COX10: variants seen among roughly 807,000 people sequenced by gnomAD.
COX10 encodes cytochrome c oxidase assembly factor heme A:farnesyltransferase COX10.
A neutral mutation model predicts 37.3 loss-of-function variants in COX10; 27 were observed. The ratio of observed to expected loss-of-function variants is 0.72; its 90% CI spans 0.53 to 1.00. The LOEUF (loss-of-function observed/expected upper bound fraction) is 1.00, where lower values mean the gene tolerates loss of function less well. Among genes scored for constraint, COX10 ranks in the 50% least tolerant of loss-of-function variants. The pLI is 0.00. For missense variants in COX10, 475 were observed against 563.2 expected (o/e 0.84, Z 1.59); for synonymous variants, 222 against 229.1 (o/e 0.97, Z 0.28).
chr17:14,192,856 C>T (rs1348380787), intron 6 of COX10, among the ~76,000 whole-genome samples: 10 of 151,866 alleles, frequency 6.6e-5, no homozygotes, highest in African/African-American at 2.4e-5. Flanking sequence ...TGTTTTTGAC[C>T]GACACTTAGG....
chr17:14,148,930 C>G (rs1221411752), intron 4 of COX10, among the ~76,000 whole-genome samples: 1 of 147,456 alleles, frequency 6.8e-6, no homozygotes, highest in East Asian at 2.0e-4. Context: ...TAATATATTA[C>G]TAGGTAATTA....
chr17:14,082,279 A>C (rs1474763225), intron 3 of COX10, among the ~76,000 whole-genome samples: 1 of 152,164 alleles, frequency 6.6e-6, no homozygotes, highest in Non-Finnish European at 1.5e-5. Context: ...GAACCTGTTC[A>C]TAAAGGGAAG....
intron 5 of COX10, among the ~76,000 whole-genome samples, chr17:14,175,090 G>T (rs867257174): frequency 0.043 from 3,399 of 79,050 alleles, 915 homozygotes; most frequent in African/African-American, 0.12. Flanking sequence ...TAGCGGGGGG[G>T]GGGGGGGTGG....
chr17:14,172,982 C>T (rs1052255024), intron 5 of COX10, among the ~76,000 whole-genome samples: 2 of 152,132 alleles, frequency 1.3e-5, no homozygotes, highest in Non-Finnish European at 2.9e-5. Flanking sequence ...CATGAGCCAC[C>T]ATGTATGTCT....
At chr17:14,100,268 C>G (rs1381311105) in intron 3 of COX10, among the ~76,000 whole-genome samples, 2 of 152,216 alleles carry the variant, frequency 1.3e-5, no homozygotes, top group African/African-American at 4.8e-5. Flanking sequence ...CATTTGCCAC[C>G]TTTCCTCCTG....
intron 5 of COX10, among the ~76,000 whole-genome samples, chr17:14,160,359 G>A (rs1210817627): frequency 1.3e-5 from 2 of 152,100 alleles, no homozygotes; most frequent in East Asian, 1.9e-4. Context: ...TGTATGCCAA[G>A]TAAAGTACTG....
At position 14,102,177 on chromosome 17, in the gene COX10, C is replaced by T. The variant is rs777059081; in HGVS notation, c.559C>T (p.Pro187Ser). 1 of 1,613,734 alleles carries T rather than the reference C, an allele frequency of 6.2e-7. No individual in the cohort carries two copies. Among genetic ancestry groups the T allele is most frequent in the Non-Finnish European group, 8.5e-7 (1 of 1,179,756 alleles). Residue 187 changes from proline to serine, a missense_variant, in exon 4 of 7, where the codon CCC (proline) becomes TCC (serine). This residue lies in a region of COX10 where 242 missense variants were observed against 242.5 expected (regional missense o/e 1.00). Transcript: ENST00000261643. The stretch of plus-strand genomic sequence containing the variant: ...ATTGGCTCCGGGCCCTTTTGACTGG[C>T]CCTGTTTCCTGCTTACTTCTGTTGG... ...FALAPGPFDW[P>S]CFLLTSVGTG...
rs180778799 is a variant in COX10 at position 14,182,733 on chromosome 17, G to A, written c.696-9256G>A. On this transcript the variant is annotated intron_variant, in intron 5 of 6. Coordinates refer to ENST00000261643, the MANE Select transcript of COX10 (RefSeq NM_001303.4). ...TTGTAATTTCAAAGTCATTTATTGT[G>A]GAAGAATGACCAAGAAGTATGAAAT... Among the ~76,000 whole-genome samples, 12 of 151,848 alleles carry A rather than the reference G, an allele frequency of 7.9e-5. 1 individual carries two copies. Among genetic ancestry groups the A allele is most frequent in the African/African-American group, 2.9e-4 (12 of 41,440 alleles).
At chr17:14,113,292 T>C (rs1916044306) in intron 4 of COX10, among the ~76,000 whole-genome samples, 1 of 152,058 alleles carries the variant, frequency 6.6e-6, no homozygotes. Context: ...CCTTCTGTCC[T>C]CTGTTCTTGT....
chr17:14,172,906 T>C (rs1905527011), intron 5 of COX10, among the ~76,000 whole-genome samples: 1 of 152,178 alleles, frequency 6.6e-6, no homozygotes, highest in Non-Finnish European at 1.5e-5. Context: ...TTGCCCAGGC[T>C]GGTCTCAAAC....
At chr17:14,191,756 C>T (rs1906207340) in intron 5 of COX10, among the ~76,000 whole-genome samples, 1 of 152,164 alleles carries the variant, frequency 6.6e-6, no homozygotes, top group African/African-American at 2.4e-5. Context: ...CTCTCTTAAC[C>T]ACTTTACTCT....
intron 5 of COX10, among the ~76,000 whole-genome samples, chr17:14,167,283 AG>A (rs777015736): frequency 5.9e-5 from 9 of 152,244 alleles, no homozygotes; most frequent in Non-Finnish European, 8.8e-5. Context: ...GGATGAGTAA[AG>A]AAAGTGGTTT....
intron 5 of COX10, among the ~76,000 whole-genome samples, chr17:14,186,164 C>T (rs1906019180): frequency 6.6e-6 from 1 of 152,172 alleles, no homozygotes; most frequent in South Asian, 2.1e-4. Flanking sequence ...TTGCTGACTT[C>T]CACATGGCAG....
chr17:14,132,572 T>C (rs1916491111), intron 4 of COX10, among the ~76,000 whole-genome samples: 1 of 151,752 alleles, frequency 6.6e-6, no homozygotes, highest in Non-Finnish European at 1.5e-5. Flanking sequence ...TCTTAAAAAA[T>C]TAAATTTTAT....
At chr17:14,206,416 T>C (rs1367175588) in intron 6 of COX10, among the ~76,000 whole-genome samples, 2 of 152,088 alleles carry the variant, frequency 1.3e-5, no homozygotes, top group Non-Finnish European at 2.9e-5. Context: ...TCCCTACAAG[T>C]GTTTGCCCGT....
chr17:14,172,626 C>T (rs1249824928), intron 5 of COX10, among the ~76,000 whole-genome samples: 47 of 133,496 alleles, frequency 3.5e-4, no homozygotes, highest in Non-Finnish European at 6.3e-4. Context: ...GTTACTTAGG[C>T]TGGAGTGCAG....
At chr17:14,158,467 CTTAT>C (rs1905099643) in intron 4 of COX10, among the ~76,000 whole-genome samples, 1 of 150,746 alleles carries the variant, frequency 6.6e-6, no homozygotes, top group Admixed American at 6.7e-5. Context: ...TAGAATGTCA[CTTAT>C]TTGTCTTTTT....
intron 3 of COX10, among the ~76,000 whole-genome samples, chr17:14,085,093 G>C (rs923558959): frequency 5.3e-5 from 8 of 152,054 alleles, no homozygotes; most frequent in Non-Finnish European, 1.2e-4. Context: ...TTGGCTTTGT[G>C]GTTACAGGCA....
intron 4 of COX10, among the ~76,000 whole-genome samples, chr17:14,155,578 G>A (rs1469099073): frequency 6.6e-6 from 1 of 152,030 alleles, no homozygotes; most frequent in Non-Finnish European, 1.5e-5. Context: ...AGCCGAGTGT[G>A]GTGGTGGGTG....
Sources: allele counts gnomAD v4.1 joint callset (sites outside exome capture counted in the v4.1 genomes callset), GRCh38; gene constraint gnomAD v4.1.1; regional missense constraint gnomAD v4.1.1; transcripts MANE v1.5; gene names NCBI Gene and HGNC (gene_info 2026-07-23, HGNC 2026-07-21).